NAALADL2: variants seen among roughly 807,000 people sequenced by gnomAD.
NAALADL2 encodes the protein N-acetylated alpha-linked acidic dipeptidase like 2, also known as inactive N-acetylated-alpha-linked acidic dipeptidase-like protein 2.
Under a neutral mutation model 87.2 loss-of-function variants are expected in NAALADL2, and 76 were observed. That is an observed-to-expected ratio of 0.87 (90% CI 0.72 to 1.05). NAALADL2 has a LOEUF of 1.05. NAALADL2 is among the 50% of genes least tolerant of loss of function. The pLI is 0.00. For missense variants in NAALADL2, 1,089 were observed against 945.8 expected (o/e 1.15, Z -1.99); for synonymous variants, 354 against 331.0 (o/e 1.07, Z -0.75).
intron 1 of NAALADL2, among the ~76,000 whole-genome samples, chr3:174,975,263 T>C (rs2108625273): frequency 6.6e-6 from 1 of 152,298 alleles, no homozygotes; most frequent in East Asian, 1.9e-4. Context: ...AGATTAATAA[T>C]GATTCTTGAC....
At chr3:175,459,256 A>C (rs1008793154) in intron 6 of NAALADL2, among the ~76,000 whole-genome samples, 1 of 152,164 alleles carries the variant, frequency 6.6e-6, no homozygotes, top group African/African-American at 2.4e-5. Context: ...ATCAGAAAAC[A>C]TTTTAAAAAA....
intron 2 of NAALADL2, among the ~76,000 whole-genome samples, chr3:174,718,111 TCAAA>T (rs1197073999): frequency 5.6e-4 from 85 of 152,048 alleles, no homozygotes; most frequent in Admixed American, 1.1e-3. Flanking sequence ...ATATTGTGTC[TCAAA>T]CAAACAAACA....
In NAALADL2 at chr3:175,349,920, G is replaced by A. The variant is rs527870846; in HGVS notation, c.1090+25595G>A. Among the ~76,000 whole-genome samples, 12 of 152,080 alleles carry A rather than the reference G, an allele frequency of 7.9e-5. No homozygotes were observed. In the South Asian group the frequency reaches 2.3e-3, roughly 29 times the overall value. ...TTATTGGATGGAAAGTTGGATGACT[G>A]TTTATTCTACTCTCAGAAAGACATG... On this transcript the variant is annotated intron_variant, in intron 5 of 13. Coordinates refer to ENST00000454872, the MANE Select transcript of NAALADL2 (RefSeq NM_207015.3).
At chr3:175,564,329 A>G (rs1716762045) in intron 9 of NAALADL2, among the ~76,000 whole-genome samples, 1 of 152,164 alleles carries the variant, frequency 6.6e-6, no homozygotes, top group Non-Finnish European at 1.5e-5. Flanking sequence ...TTACTTTTTA[A>G]AAAATACGTG....
chr3:175,211,464 T>C (rs1241566020), intron 2 of NAALADL2, among the ~76,000 whole-genome samples: 6 of 151,952 alleles, frequency 3.9e-5, no homozygotes, highest in African/African-American at 1.4e-4. Flanking sequence ...AGAGAAAATA[T>C]ATTTGTCTTA....
rs563314857 is a variant in NAALADL2, at chr3:175,755,710, G to T, written c.2189+292G>T. On this transcript the variant is annotated intron_variant, in intron 13 of 13. Transcript: ENST00000454872. ...AATGAAAAAGCAAATGGAATTATAG[G>T]TTGCACTGAAAGAAATACACTTTCT... Among the ~76,000 whole-genome samples the T allele has an allele frequency of 5.8e-4, 88 of 150,670 alleles. 2 individuals carry two copies. The highest frequency in any genetic ancestry group is 2.2e-3 in the African/African-American group (88 of 40,056).
rs191597670 is a variant in NAALADL2 at position 174,932,570 on chromosome 3, G to A, written c.43+73120G>A. 5.9e-4 allele frequency among the ~76,000 whole-genome samples: 90 copies of A among 152,196 alleles called. 1 individual carries two copies. The Middle Eastern group carries it at 0.014, about 23-fold the overall frequency. The stretch of plus-strand genomic sequence containing the variant: ...TTGGGCATATTAGTTCAATATTGAT[G>A]GGTGAATTGCTGGGCTTTCCTTAGC... On this transcript the variant is annotated intron_variant, in intron 1 of 13. Coordinates refer to ENST00000454872, the MANE Select transcript of NAALADL2 (RefSeq NM_207015.3).
chr3:174,459,414 T>C (rs1174404792), intron 1 of NAALADL2: 1 of 152,178 alleles, frequency 6.6e-6, no homozygotes, highest in East Asian at 1.9e-4. Context: ...AGATGTCCGC[T>C]TTGAGGATAG....
At chr3:175,618,825 C>T (rs552561343) in intron 10 of NAALADL2, among the ~76,000 whole-genome samples, 9 of 152,232 alleles carry the variant, frequency 5.9e-5, no homozygotes, top group Admixed American at 2.0e-4. Flanking sequence ...TTACCTACAC[C>T]GTGCCCTGGC....
At chr3:175,246,253 T>C (rs903330636) in intron 3 of NAALADL2, among the ~76,000 whole-genome samples, 9 of 152,178 alleles carry the variant, frequency 5.9e-5, no homozygotes, top group Admixed American at 5.9e-4. Context: ...GATTTATATA[T>C]GATAGTAGGA....
intron 1 of NAALADL2, among the ~76,000 whole-genome samples, chr3:175,015,769 G>T (rs1445017714): frequency 1.6e-4 from 24 of 151,910 alleles, no homozygotes; most frequent in Admixed American, 1.6e-3. Context: ...AGAAAAGCTT[G>T]TTCATGTTAT....
At chr3:175,201,206 G>A (rs917997373) in intron 2 of NAALADL2, among the ~76,000 whole-genome samples, 4 of 152,064 alleles carry the variant, frequency 2.6e-5, no homozygotes, top group Middle Eastern at 3.2e-3. Flanking sequence ...CTTTCCCCAG[G>A]CAGATCAGAT....
At chr3:175,231,786 T>C (rs1744975111) in intron 2 of NAALADL2, among the ~76,000 whole-genome samples, 1 of 152,146 alleles carries the variant, frequency 6.6e-6, no homozygotes, top group Non-Finnish European at 1.5e-5. Context: ...AAATAAAATA[T>C]ATATTTTGAA....
chr3:174,586,297 T>A (rs1024107989), intron 2 of NAALADL2, among the ~76,000 whole-genome samples: 4 of 150,100 alleles, frequency 2.7e-5, no homozygotes, highest in African/African-American at 1.0e-4. Context: ...GTATACATTA[T>A]TTTTTTTATT....
chr3:175,480,223 A>T (rs555953150), intron 9 of NAALADL2, among the ~76,000 whole-genome samples: 2 of 151,926 alleles, frequency 1.3e-5, no homozygotes, highest in Admixed American at 1.3e-4. Context: ...CTGGCTCTAA[A>T]TCTACAAGCC....
At position 174,846,947 on chromosome 3, in the gene NAALADL2, C is replaced by T. The variant is rs560962224; in HGVS notation, c.-9+109201C>T. Among the ~76,000 whole-genome samples the T allele has an allele frequency of 2.0e-5, 3 of 152,186 alleles. No homozygotes were observed. The East Asian group carries it at 5.8e-4, about 29-fold the overall frequency. On this transcript the variant is annotated intron_variant, in intron 3 of 3. Transcript: ENST00000434257. ...TTCTCCAGGCAAGAGATGAAAATGG[C>T]CTCACCTAGAGGAAATGGAAAGTTT... is the stretch of plus-strand genomic sequence containing the variant.
At chr3:175,232,673 G>A (rs759061342) in intron 2 of NAALADL2, among the ~76,000 whole-genome samples, 3 of 152,232 alleles carry the variant, frequency 2.0e-5, no homozygotes, top group African/African-American at 4.8e-5. Context: ...TGCAGCCCAC[G>A]GGCCATAGGT....
At chr3:175,630,368 G>T (rs1267908608) in intron 11 of NAALADL2, among the ~76,000 whole-genome samples, 1 of 151,476 alleles carries the variant, frequency 6.6e-6, no homozygotes, top group East Asian at 1.9e-4. Flanking sequence ...AAAGGAATAC[G>T]CTCATAATGC....
intron 1 of NAALADL2, among the ~76,000 whole-genome samples, chr3:174,540,432 C>A (rs1478650913): frequency 1.3e-5 from 2 of 152,134 alleles, no homozygotes; most frequent in Non-Finnish European, 2.9e-5. Flanking sequence ...TGGCAGGCAG[C>A]CTTAATGTAC....
Sources: allele counts gnomAD v4.1 joint callset (sites outside exome capture counted in the v4.1 genomes callset), GRCh38; gene constraint gnomAD v4.1.1; transcripts MANE v1.5; gene names NCBI Gene and HGNC (gene_info 2026-07-23, HGNC 2026-07-21).